HPSE2: variants seen among roughly 807,000 people sequenced by gnomAD.
HPSE2 encodes inactive heparanase-2.
A neutral mutation model predicts 60.5 loss-of-function variants in HPSE2; 38 were observed. That is an observed-to-expected ratio of 0.63 (90% CI 0.48 to 0.82). The LOEUF (loss-of-function observed/expected upper bound fraction) is 0.82. Among genes scored for constraint, HPSE2 ranks in the 40% least tolerant of loss-of-function variants. The probability of loss-of-function intolerance (pLI) is 0.00; values close to 1 mark genes in which losing one functional copy is unlikely to be tolerated. For synonymous variants in HPSE2, 295 were observed against 293.2 expected (o/e 1.01, Z -0.06); for missense variants, 713 against 740.4 (o/e 0.96, Z 0.43).
chr10:99,136,134 T>C (rs1845640885), intron 3 of HPSE2, among the ~76,000 whole-genome samples: 1 of 151,848 alleles, frequency 6.6e-6, no homozygotes, highest in Non-Finnish European at 1.5e-5. Flanking sequence ...AACTGGAAAA[T>C]CTAGAAGAAA....
intron 10 of HPSE2, among the ~76,000 whole-genome samples, chr10:98,486,354 T>C (rs906590278): frequency 3.9e-5 from 6 of 152,200 alleles, no homozygotes; most frequent in African/African-American, 1.4e-4. Flanking sequence ...AGGTGGCTTT[T>C]GGTTATCTTA....
chr10:98,613,724 A>AGCCCTACATGTCCCACCTCCTT (rs1372893410), intron 9 of HPSE2, among the ~76,000 whole-genome samples: 1 of 152,248 alleles, frequency 6.6e-6, no homozygotes, highest in Non-Finnish European at 1.5e-5. Context: ...TTCTAGGGCT[A>AGCCCTACATGTCCCACCTCCTT]GCCCTACATG....
At chr10:99,131,053 T>C (rs1935668) in intron 3 of HPSE2, among the ~76,000 whole-genome samples, 24,759 of 152,202 alleles carry the variant, frequency 0.16, 2,395 homozygotes, top group Admixed American at 0.24. Flanking sequence ...TCAATAAATG[T>C]GATGCATCAC....
At chr10:98,515,417 A>C (rs1354918985) in intron 9 of HPSE2, among the ~76,000 whole-genome samples, 1 of 152,238 alleles carries the variant, frequency 6.6e-6, no homozygotes, top group African/African-American at 2.4e-5. Context: ...AGTTCAATAA[A>C]TCAATTAATG....
chr10:99,196,930 T>C (rs1434752970), intron 2 of HPSE2, among the ~76,000 whole-genome samples: 3 of 152,166 alleles, frequency 2.0e-5, no homozygotes, highest in Non-Finnish European at 2.9e-5. Flanking sequence ...CTTGTGTTTG[T>C]TGCAGCACTG....
intron 3 of HPSE2, among the ~76,000 whole-genome samples, chr10:98,760,084 G>GT (rs1949971789): frequency 6.6e-6 from 1 of 151,866 alleles, no homozygotes; most frequent in Non-Finnish European, 1.5e-5. Flanking sequence ...CAGATAGCTT[G>GT]TTGTTAATAT....
chr10:99,259,454 T>C, the HPSE2 span, among the ~76,000 whole-genome samples: 5 of 151,972 alleles, frequency 3.3e-5, no homozygotes, highest in Non-Finnish European at 7.4e-5. Flanking sequence ...ACAAGCAACC[T>C]AATAATAAAG....
intron 2 of HPSE2, among the ~76,000 whole-genome samples, chr10:99,223,311 A>G (rs1172832479): frequency 1.3e-5 from 2 of 152,206 alleles, no homozygotes; most frequent in African/African-American, 4.8e-5. Flanking sequence ...CATAATAAGC[A>G]TTCAATAACA....
chr10:98,939,662 A>T (rs988709381), intron 3 of HPSE2, among the ~76,000 whole-genome samples: 1 of 143,652 alleles, frequency 7.0e-6, no homozygotes, highest in Non-Finnish European at 1.5e-5. Flanking sequence ...TGTCAACATT[A>T]GACAGATCAA....
intron 6 of HPSE2, among the ~76,000 whole-genome samples, chr10:98,679,177 G>A (rs915678312): frequency 4.6e-5 from 7 of 152,238 alleles, no homozygotes; most frequent in African/African-American, 1.4e-4. Context: ...AGAATGAGGG[G>A]ATGCATGGAG....
At chr10:99,254,346 G>A in the HPSE2 span, among the ~76,000 whole-genome samples, 1 of 152,102 alleles carries the variant, frequency 6.6e-6, no homozygotes, top group Admixed American at 6.6e-5. Context: ...ATAAACATTG[G>A]GTACTCATGG....
chr10:99,041,817 G>A (rs1957746212), intron 3 of HPSE2, among the ~76,000 whole-genome samples: 1 of 152,106 alleles, frequency 6.6e-6, no homozygotes, highest in South Asian at 2.1e-4. Flanking sequence ...TAACCGACAG[G>A]CCCGTTGTGA....
intron 3 of HPSE2, among the ~76,000 whole-genome samples, chr10:98,971,680 A>G (rs1481598276): frequency 6.6e-6 from 1 of 152,170 alleles, no homozygotes; most frequent in African/African-American, 2.4e-5. Flanking sequence ...ATTACATTTT[A>G]TCTATGCATT....
intron 4 of HPSE2, among the ~76,000 whole-genome samples, chr10:98,737,936 A>G (rs1025650673): frequency 6.6e-6 from 1 of 152,230 alleles, no homozygotes; most frequent in Non-Finnish European, 1.5e-5. Flanking sequence ...ATGCTCATCA[A>G]GCTACCATTG....
chr10:98,885,431 A>G (rs1306997668), intron 3 of HPSE2, among the ~76,000 whole-genome samples: 12 of 152,160 alleles, frequency 7.9e-5, no homozygotes. Context: ...TTTTGAAAGA[A>G]ATTCTACTGT....
At chr10:98,533,741 G>A (rs536610958) in intron 9 of HPSE2, among the ~76,000 whole-genome samples, 6 of 152,272 alleles carry the variant, frequency 3.9e-5, no homozygotes, top group Non-Finnish European at 8.8e-5. Flanking sequence ...GAAGCTGTCC[G>A]GCAGACTTTG....
At position 98,862,958 on chromosome 10, in the gene HPSE2, T is replaced by C. The variant is rs142727542; in HGVS notation, c.611-118902A>G. Among the ~76,000 whole-genome samples, 116 of 152,202 alleles carry C rather than the reference T, an allele frequency of 7.6e-4. 1 individual carries two copies. Among genetic ancestry groups the C allele is most frequent in the African/African-American group, 2.7e-3 (112 of 41,522 alleles). On this transcript the variant is annotated intron_variant, in intron 3 of 11. Coordinates refer to ENST00000370552, the MANE Select transcript of HPSE2 (RefSeq NM_021828.5). Reference sequence around the variant, plus strand: ...AAAAAGATTTTATTAGAGATGAGGTTTTGTTATTTTCCCCAGGCTTGTCTC... The same window carrying C: ...AAAAAGATTTTATTAGAGATGAGGTCTTGTTATTTTCCCCAGGCTTGTCTC...
chr10:98,693,796 G>T, intron 6 of HPSE2, 104 bp downstream of exon 6: 1 of 981,172 alleles, frequency 1.0e-6, no homozygotes, highest in Non-Finnish European at 1.7e-6. Flanking sequence ...CCTGGAGGAT[G>T]AAGGATAGCT....
At chr10:98,582,312 G>T (rs1477094361) in intron 9 of HPSE2, among the ~76,000 whole-genome samples, 1 of 152,126 alleles carries the variant, frequency 6.6e-6, no homozygotes, top group African/African-American at 2.4e-5. Context: ...TAAATAGAAA[G>T]ATCTTTAAAA....
Sources: gnomAD v4.1 joint callset for allele counts (sites outside exome capture counted in the v4.1 genomes callset) on GRCh38, gnomAD v4.1.1 for gene constraint, MANE v1.5 for transcripts, NCBI Gene and HGNC (gene_info 2026-07-23, HGNC 2026-07-21) for gene names.